Variants in ATG14 observed in about 807,000 individuals in gnomAD.
ATG14 encodes the protein autophagy related 14.
In ATG14, 35 loss-of-function variants were observed where a neutral mutation model predicts 60.4. The ratio of observed to expected loss-of-function variants is 0.58; its 90% CI spans 0.44 to 0.77. The LOEUF (loss-of-function observed/expected upper bound fraction) is 0.77, where lower values mean the gene tolerates loss of function less well. Among genes scored for constraint, ATG14 ranks in the 30% least tolerant of loss-of-function variants. The pLI is 0.00. For synonymous variants in ATG14, 234 were observed against 228.8 expected, an observed-to-expected ratio of 1.02 and a Z score of -0.21; for missense variants, 647 against 626.3, an observed-to-expected ratio of 1.03 and a Z score of -0.35.
At chr14:55,371,748 G>A (rs1360264323) in intron 9 of ATG14, among the ~76,000 whole-genome samples, 4 of 151,946 alleles carry the variant, frequency 2.6e-5, no homozygotes, top group African/African-American at 4.8e-5. Context: ...AGCTTGCAGT[G>A]AGCCGAGATG....
intron 7 of ATG14, among the ~76,000 whole-genome samples, chr14:55,379,400 G>C (rs906677619): frequency 6.6e-6 from 1 of 151,962 alleles, no homozygotes; most frequent in Non-Finnish European, 1.5e-5. Context: ...AAATTAGCCA[G>C]GTGTGGTAGC....
intron 5 of ATG14, 132 bp downstream of exon 5, chr14:55,385,727 A>G (rs555402824): frequency 1.9e-5 from 16 of 859,274 alleles, no homozygotes; most frequent in Admixed American, 2.7e-5. Context: ...GTTGAAACAG[A>G]TAAGACTTAT....
At chr14:55,391,311 T>TA (rs1361329006) in intron 3 of ATG14, 10 of 179,094 alleles carry the variant, frequency 5.6e-5, no homozygotes, top group Non-Finnish European at 9.3e-5. Flanking sequence ...CCATCTCTAC[T>TA]AAAAAAATAC....
At chr14:55,374,976 G>T (rs1421251959) in intron 9 of ATG14, among the ~76,000 whole-genome samples, 1 of 152,104 alleles carries the variant, frequency 6.6e-6, no homozygotes, top group Admixed American at 6.6e-5. Flanking sequence ...TATACTTCTA[G>T]TTGAACTTTA....
intron 7 of ATG14, among the ~76,000 whole-genome samples, chr14:55,379,684 T>C (rs1272276615): frequency 6.6e-6 from 1 of 152,234 alleles, no homozygotes; most frequent in Non-Finnish European, 1.5e-5. Context: ...AGGAAGATTG[T>C]AGTGCAAACT....
At chr14:55,406,734 A>C (rs1197382872) in intron 1 of ATG14, among the ~76,000 whole-genome samples, 1 of 152,218 alleles carries the variant, frequency 6.6e-6, no homozygotes, top group Non-Finnish European at 1.5e-5. Flanking sequence ...TATTCTTCTT[A>C]AAGCACATAG....
Position 55,369,522 on chromosome 14 carries a change from C to CCAGA in ATG14, c.*93_*96dup. ...AAAACAACACTTTAACCTCTTTGTT[C>CCAGA]CAGACACTATCTTAACTTAAACAGA... On this transcript the variant is annotated 3_prime_UTR_variant, in exon 10 of 10. Coordinates refer to ENST00000247178, the MANE Select transcript of ATG14 (RefSeq NM_014924.5). 3.4e-6 allele frequency: 4 copies of CCAGA among 1,191,210 alleles called. No individual in the cohort carries two copies. The highest frequency in any genetic ancestry group is 4.6e-6 in the Non-Finnish European group (4 of 872,930). The allele number at this position is 1,191,210 out of a possible 1,614,324, so 73.8% of individuals were successfully genotyped here.
chr14:55,396,372 T>C (rs1885314086), intron 2 of ATG14, among the ~76,000 whole-genome samples: 1 of 152,208 alleles, frequency 6.6e-6, no homozygotes, highest in Non-Finnish European at 1.5e-5. Context: ...TGGAATAAAA[T>C]GTTCTATGGG....
At chr14:55,380,788 C>G (rs950943042) in intron 6 of ATG14, 98 bp from the exon 7 acceptor site, 62 of 727,378 alleles carry the variant, frequency 8.5e-5, no homozygotes, top group Admixed American at 2.2e-4. Context: ...CATGATAGCA[C>G]TGTTACGTTT....
intron 5 of ATG14, among the ~76,000 whole-genome samples, chr14:55,384,764 G>A (rs1457851699): frequency 6.6e-6 from 1 of 152,262 alleles, no homozygotes; most frequent in East Asian, 1.9e-4. Flanking sequence ...GAGAGTGAGA[G>A]CAGCCAGAAG....
At position 55,369,723 on chromosome 14, in the gene ATG14, TGCTCTGACTCTGGGA is replaced by T; in HGVS notation, c.1360_1374del (p.Ser454_Ser458del). On this transcript the variant is annotated inframe_deletion, in exon 10 of 10. Transcript: ENST00000247178. ...CTCGCGATGGGTGGGGACGCCTGGGTGCTCTGACTCTGGGAGACTTCCACAGACTGGGAAGGGATA... is the reference window on the plus strand; with the variant it reads ...CTCGCGATGGGTGGGGACGCCTGGGTGACTTCCACAGACTGGGAAGGGATA... 6.2e-7 allele frequency: 1 copy of T among 1,612,668 alleles called. No individual in the cohort carries two copies. Among genetic ancestry groups the T allele is most frequent in the Non-Finnish European group, 8.5e-7 (1 of 1,178,936 alleles).
At chr14:55,380,319 A>G (rs983613361) in intron 7 of ATG14, among the ~76,000 whole-genome samples, 10 of 152,210 alleles carry the variant, frequency 6.6e-5, no homozygotes, top group African/African-American at 2.4e-4. Flanking sequence ...GAGGATCTGC[A>G]GCAAACCCTC....
In ATG14 at chr14:55,394,312, TC is replaced by T. The variant is rs1885276701; in HGVS notation, c.327+1627del. Among the ~76,000 whole-genome samples, 3 of 152,268 alleles carry T rather than the reference TC, an allele frequency of 2.0e-5. No homozygotes were observed. In the South Asian group the frequency reaches 6.2e-4, roughly 32 times the overall value. On this transcript the variant is annotated intron_variant, in intron 3 of 9. Transcript: ENST00000247178. ...GAGCCAACGTGCCTGGCCCTTTTTT[TC>T]CTTCATAATTGAGATTTCACTGGTT...
chr14:55,383,403 A>G (rs1193908836), intron 5 of ATG14, among the ~76,000 whole-genome samples: 3 of 151,808 alleles, frequency 2.0e-5, no homozygotes, highest in Non-Finnish European at 4.4e-5. Flanking sequence ...ATACAAAAAT[A>G]AGCTGGGCGT....
At position 55,377,871 on chromosome 14, in the gene ATG14, T is replaced by C. The variant is rs1455058851; in HGVS notation, c.1120A>G (p.Thr374Ala). The change falls in exon 9 of 10, where the codon ACC becomes GCC. Residue 374 changes from threonine to alanine, a missense_variant. Coordinates refer to ENST00000247178, the MANE Select transcript of ATG14 (RefSeq NM_014924.5). ...VNLDQLQPLH[T>A]LRNLMYLVSP... ...ACCAGGTACATTAGATTCCTGAGGG[T>C]ATGCAGTGGTTGTAATTGATCTAAA... The C allele has an allele frequency of 6.2e-7, 1 of 1,606,252 alleles. No homozygotes were observed. The highest frequency in any genetic ancestry group is 8.5e-7 in the Non-Finnish European group (1 of 1,177,670).
intron 3 of ATG14, among the ~76,000 whole-genome samples, chr14:55,391,644 C>A (rs1018133867): frequency 6.6e-6 from 1 of 152,110 alleles, no homozygotes; most frequent in African/African-American, 2.4e-5. Context: ...CATACAAAAT[C>A]AAAAATTCAG....
intron 3 of ATG14, chr14:55,391,413 T>G (rs778105469): frequency 6.6e-6 from 1 of 151,414 alleles, no homozygotes; most frequent in Non-Finnish European, 1.5e-5. Context: ...GAGGCGGAGT[T>G]TGCAGTGAGC....
chr14:55,384,648 G>A (rs888579373), intron 5 of ATG14, among the ~76,000 whole-genome samples: 1 of 152,194 alleles, frequency 6.6e-6, no homozygotes, highest in African/African-American at 2.4e-5. Context: ...AGTCTTTTTG[G>A]TTTTTAGGAA....
intron 9 of ATG14, among the ~76,000 whole-genome samples, chr14:55,371,389 G>A (rs1025167544): frequency 1.3e-5 from 2 of 152,130 alleles, no homozygotes; most frequent in Non-Finnish European, 2.9e-5. Context: ...GTGCTTCCCA[G>A]ATGGATTAAG....
Sources: allele counts gnomAD v4.1 joint callset (sites outside exome capture counted in the v4.1 genomes callset), GRCh38; gene constraint gnomAD v4.1.1; transcripts MANE v1.5; gene names NCBI Gene and HGNC (gene_info 2026-07-23, HGNC 2026-07-21).